Variants in ARHGEF38 observed in about 807,000 individuals in gnomAD.
ARHGEF38 encodes the protein Rho guanine nucleotide exchange factor 38, also known as Rho guanine nucleotide exchange factor (GEF) 38.
ARHGEF38 carries 79 observed loss-of-function variants against 79.9 expected under a neutral mutation model. That is an observed-to-expected ratio of 0.99 (90% CI 0.82 to 1.19). The LOEUF is 1.19. Among genes scored for constraint, ARHGEF38 ranks in the 50% most tolerant of loss-of-function variants. The probability of loss-of-function intolerance (pLI) is 0.00; values close to 1 mark genes in which losing one functional copy is unlikely to be tolerated. For missense variants in ARHGEF38, 962 were observed against 907.2 expected, an observed-to-expected ratio of 1.06 and a Z score of -0.78; for synonymous variants, 366 against 328.3, an observed-to-expected ratio of 1.11 and a Z score of -1.24.
At chr4:105,572,798 C>T (rs949704209) in intron 1 of ARHGEF38, among the ~76,000 whole-genome samples, 1 of 152,110 alleles carries the variant, frequency 6.6e-6, no homozygotes, top group Non-Finnish European at 1.5e-5. Flanking sequence ...TTAATGGATA[C>T]TTGGGTTGCT....
At chr4:105,651,382 G>A (rs1161349472) in intron 7 of ARHGEF38, among the ~76,000 whole-genome samples, 1 of 152,184 alleles carries the variant, frequency 6.6e-6, no homozygotes, top group African/African-American at 2.4e-5. Flanking sequence ...AGGGTATAAA[G>A]CTATTACCGA....
intron 3 of ARHGEF38, among the ~76,000 whole-genome samples, chr4:105,624,233 T>C (rs915711182): frequency 6.6e-6 from 1 of 152,056 alleles, no homozygotes; most frequent in Non-Finnish European, 1.5e-5. Flanking sequence ...TGAAAAAAAA[T>C]TTTTACCAGA....
chr4:105,573,765 A>T (rs1726350563), intron 1 of ARHGEF38, among the ~76,000 whole-genome samples: 1 of 152,040 alleles, frequency 6.6e-6, no homozygotes, highest in African/African-American at 2.4e-5. Context: ...TACAAAAAAA[A>T]ATTGGAATTT....
intron 2 of ARHGEF38, among the ~76,000 whole-genome samples, chr4:105,603,114 C>T (rs1727895470): frequency 6.6e-6 from 1 of 152,088 alleles, no homozygotes; most frequent in African/African-American, 2.4e-5. Context: ...GCAGTTTGGT[C>T]AAAATTCATT....
intron 1 of ARHGEF38, among the ~76,000 whole-genome samples, chr4:105,584,742 A>C (rs1449433063): frequency 1.3e-5 from 2 of 152,220 alleles, no homozygotes; most frequent in Non-Finnish European, 2.9e-5. Context: ...AAAGAAAGAA[A>C]GAAAGAAATT....
intron 13 of ARHGEF38, among the ~76,000 whole-genome samples, chr4:105,676,029 A>G (rs1365150687): frequency 6.6e-6 from 1 of 152,240 alleles, no homozygotes; most frequent in East Asian, 1.9e-4. Flanking sequence ...ATATTAGTTG[A>G]TAAATCAATA....
intron 1 of ARHGEF38, among the ~76,000 whole-genome samples, chr4:105,557,845 A>G (rs900427655): frequency 3.9e-5 from 6 of 152,070 alleles, no homozygotes; most frequent in Admixed American, 1.3e-4. Context: ...ACCAACCAAG[A>G]CGGGTCGATT....
At chr4:105,634,362 A>T (rs1037092449) in intron 4 of ARHGEF38, among the ~76,000 whole-genome samples, 5 of 152,218 alleles carry the variant, frequency 3.3e-5, no homozygotes, top group Non-Finnish European at 5.9e-5. Flanking sequence ...CTGCATCTAT[A>T]GCCTACAAAT....
intron 1 of ARHGEF38, among the ~76,000 whole-genome samples, chr4:105,559,489 A>T (rs1025523927): frequency 2.0e-5 from 3 of 152,130 alleles, no homozygotes; most frequent in African/African-American, 7.2e-5. Context: ...AAGAGTAGGG[A>T]TTCAAGCCTC....
chr4:105,671,262 T>C (rs1461896493), intron 13 of ARHGEF38, among the ~76,000 whole-genome samples: 1 of 152,194 alleles, frequency 6.6e-6, no homozygotes, highest in Non-Finnish European at 1.5e-5. Flanking sequence ...CCTGATACTT[T>C]CCCTCAGAGT....
chr4:105,673,237 G>C (rs1049523432), intron 13 of ARHGEF38, among the ~76,000 whole-genome samples: 2 of 151,980 alleles, frequency 1.3e-5, no homozygotes, highest in Admixed American at 6.6e-5. Flanking sequence ...GGATTCTTGG[G>C]GTCCATCCTA....
At chr4:105,669,204 T>A (rs1578365768) in intron 13 of ARHGEF38, among the ~76,000 whole-genome samples, 1 of 152,104 alleles carries the variant, frequency 6.6e-6, no homozygotes, top group Non-Finnish European at 1.5e-5. Context: ...GTATATAGGG[T>A]TTTTTTCCAT....
At chr4:105,554,792 A>G (rs967756673) in intron 1 of ARHGEF38, among the ~76,000 whole-genome samples, 2 of 152,150 alleles carry the variant, frequency 1.3e-5, no homozygotes, top group African/African-American at 4.8e-5. Flanking sequence ...AATTTTAGGA[A>G]TAATGGGTAC....
intron 8 of ARHGEF38, among the ~76,000 whole-genome samples, chr4:105,655,120 A>G (rs1165909063): frequency 1.3e-5 from 2 of 152,224 alleles, no homozygotes; most frequent in Non-Finnish European, 2.9e-5. Context: ...GCCAGAGAGT[A>G]GTGGGAACCC....
chr4:105,584,874 C>A (rs1254733054), intron 1 of ARHGEF38, among the ~76,000 whole-genome samples: 1 of 152,118 alleles, frequency 6.6e-6, no homozygotes, highest in African/African-American at 2.4e-5. Context: ...CTTCAGTCCT[C>A]CCCCAACACC....
chr4:105,647,576 A>T (rs916502611), intron 6 of ARHGEF38, among the ~76,000 whole-genome samples: 1 of 152,164 alleles, frequency 6.6e-6, no homozygotes, highest in African/African-American at 2.4e-5. Context: ...CTCTGCATGA[A>T]CTTCCTGGTA....
chr4:105,641,408 A>G (rs150071243), intron 5 of ARHGEF38, among the ~76,000 whole-genome samples: 333 of 152,178 alleles, frequency 2.2e-3, no homozygotes, highest in African/African-American at 7.6e-3. Context: ...TCCCTTATGT[A>G]TTCTAATTTA....
chr4:105,636,166 T>A (rs1008817768), intron 4 of ARHGEF38, among the ~76,000 whole-genome samples: 1 of 152,184 alleles, frequency 6.6e-6, no homozygotes, highest in Non-Finnish European at 1.5e-5. Context: ...GATCAGATAA[T>A]AAACACAGGA....
chr4:105,556,928 G>A (rs766056057), intron 1 of ARHGEF38, among the ~76,000 whole-genome samples: 4 of 152,122 alleles, frequency 2.6e-5, no homozygotes, highest in Non-Finnish European at 5.9e-5. Flanking sequence ...ATTCTTAGTG[G>A]AAGCCTGTTT....
Sources: allele counts gnomAD v4.1 joint callset (sites outside exome capture counted in the v4.1 genomes callset), GRCh38; gene constraint gnomAD v4.1.1; transcripts MANE v1.5; gene names NCBI Gene and HGNC (gene_info 2026-07-23, HGNC 2026-07-21).